The following WARS2 variants were observed in gnomAD, a reference collection of about 807,000 sequenced individuals.
The protein encoded by WARS2 is tryptophanyl tRNA synthetase 2, mitochondrial, also known as tryptophan--tRNA ligase, mitochondrial.
WARS2 carries 28 observed loss-of-function variants against 36.5 expected under a neutral mutation model. The observed-to-expected ratio is 0.77, with a 90% CI of 0.57 to 1.05. WARS2 has a LOEUF of 1.05. Among genes scored for constraint, WARS2 ranks in the 50% least tolerant of loss-of-function variants. The pLI, the probability that WARS2 is intolerant of heterozygous loss-of-function variation, is 0.00. For missense variants in WARS2, 435 were observed against 456.8 expected (o/e 0.95, Z 0.44); for synonymous variants, 174 against 178.4 (o/e 0.98, Z 0.20).
At chr1:119,134,962 T>C (rs1012151476) in intron 1 of WARS2, among the ~76,000 whole-genome samples, 3 of 152,210 alleles carry the variant, frequency 2.0e-5, no homozygotes, top group African/African-American at 7.2e-5. Flanking sequence ...CAAAGCATTA[T>C]CTTTGGGCAC....
At chr1:119,139,078 T>A (rs1261041493) in intron 1 of WARS2, among the ~76,000 whole-genome samples, 5 of 152,214 alleles carry the variant, frequency 3.3e-5, no homozygotes, top group Non-Finnish European at 5.9e-5. Context: ...GGTCTACGGC[T>A]TAGCTACTTT....
chr1:119,125,824 G>A (rs587695072), intron 1 of WARS2, among the ~76,000 whole-genome samples: 19 of 152,236 alleles, frequency 1.2e-4, no homozygotes, highest in South Asian at 1.2e-3. Flanking sequence ...TCAATTATCA[G>A]GTAGACTACC....
intron 2 of WARS2, among the ~76,000 whole-genome samples, chr1:119,074,080 C>A (rs1196997399): frequency 1.3e-5 from 2 of 152,146 alleles, no homozygotes; most frequent in Non-Finnish European, 2.9e-5. Context: ...GATCAAAAGC[C>A]AGCTTGTATT....
intron 2 of WARS2, among the ~76,000 whole-genome samples, chr1:119,069,916 C>A (rs555720663): frequency 6.6e-6 from 1 of 152,220 alleles, no homozygotes; most frequent in Non-Finnish European, 1.5e-5. Flanking sequence ...GAAGCAGAGA[C>A]GTGAGGGCTG....
chr1:119,047,878 A>G (rs953777876), intron 2 of WARS2, among the ~76,000 whole-genome samples: 1 of 152,270 alleles, frequency 6.6e-6, no homozygotes, highest in African/African-American at 2.4e-5. Context: ...TGATGAGTAG[A>G]AAGAAAGAAC....
At position 119,109,432 on chromosome 1, in the gene WARS2, A is replaced by G. The variant is rs77340464; in HGVS notation, c.90+31123T>C. ...TTTTTAGAGAATTGACCTCTTTATCATTAAGTAATGTTTCTCTTTATCCTT... is the reference window on the plus strand; with the variant it reads ...TTTTTAGAGAATTGACCTCTTTATCGTTAAGTAATGTTTCTCTTTATCCTT... On this transcript the variant is annotated intron_variant, in intron 1 of 5. Coordinates refer to ENST00000235521, the MANE Select transcript of WARS2 (RefSeq NM_015836.4). Among the ~76,000 whole-genome samples the G allele has an allele frequency of 8.5e-3, 1,291 of 152,082 alleles. 16 individuals are homozygous for G. The highest frequency in any genetic ancestry group is 0.03 in the African/African-American group (1,230 of 41,558).
rs73013192 is a variant in WARS2, at chr1:119,072,642, T to C, written c.348+3708A>G. Among the ~76,000 whole-genome samples the C allele has an allele frequency of 7.8e-3, 1,194 of 152,206 alleles. 22 individuals carry two copies. The highest frequency in any genetic ancestry group is 0.027 in the African/African-American group (1,119 of 41,514). ...CATAATCAAATGTAATATGTGAACC[T>C]TGGTAGATCTTCACTCAAACAAGCC... On this transcript the variant is annotated intron_variant, in intron 2 of 5. Coordinates refer to ENST00000235521, the MANE Select transcript of WARS2 (RefSeq NM_015836.4).
chr1:119,119,170 T>C (rs1032765486), intron 1 of WARS2, among the ~76,000 whole-genome samples: 1 of 152,074 alleles, frequency 6.6e-6, no homozygotes. Flanking sequence ...GTATCTAGTG[T>C]CTTCAAGAGA....
intron 1 of WARS2, among the ~76,000 whole-genome samples, chr1:119,092,142 C>T (rs1355895297): frequency 1.3e-5 from 2 of 152,054 alleles, no homozygotes; most frequent in African/African-American, 2.4e-5. Context: ...CACTAATGAC[C>T]GGCTGGGTAC....
At chr1:119,109,832 T>C (rs587665161) in intron 1 of WARS2, among the ~76,000 whole-genome samples, 3 of 152,058 alleles carry the variant, frequency 2.0e-5, no homozygotes, top group Non-Finnish European at 1.5e-5. Flanking sequence ...TCCATACTTT[T>C]CTGTAGTTTT....
chr1:119,122,042 G>T (rs1655358677), intron 1 of WARS2, among the ~76,000 whole-genome samples: 1 of 151,988 alleles, frequency 6.6e-6, no homozygotes, highest in African/African-American at 2.4e-5. Context: ...ACAAATAGAT[G>T]GGACTTAATT....
chr1:119,135,691 A>G (rs1656433012), intron 1 of WARS2, among the ~76,000 whole-genome samples: 1 of 152,018 alleles, frequency 6.6e-6, no homozygotes, highest in Admixed American at 6.6e-5. Context: ...GACATGGAAT[A>G]TAGAGATAGA....
At chr1:119,055,554 T>A (rs1401028365) in intron 2 of WARS2, among the ~76,000 whole-genome samples, 1 of 151,970 alleles carries the variant, frequency 6.6e-6, no homozygotes, top group Non-Finnish European at 1.5e-5. Context: ...AGGCACAAGA[T>A]TCACTTGAAC....
intron 1 of WARS2, among the ~76,000 whole-genome samples, chr1:119,112,630 T>C (rs1313196034): frequency 6.6e-6 from 1 of 152,174 alleles, no homozygotes; most frequent in African/African-American, 2.4e-5. Flanking sequence ...TCTCATTCTA[T>C]TTTCTTAATG....
intron 2 of WARS2, among the ~76,000 whole-genome samples, chr1:119,059,461 C>T (rs1294044451): frequency 6.9e-6 from 1 of 143,900 alleles, no homozygotes; most frequent in African/African-American, 2.6e-5. Context: ...AGTCTTTAAT[C>T]CATCTTGAAT....
chr1:119,058,900 G>T (rs1383961557), intron 2 of WARS2, among the ~76,000 whole-genome samples: 1 of 150,428 alleles, frequency 6.6e-6, no homozygotes, highest in Non-Finnish European at 1.5e-5. Context: ...TTCCACAATG[G>T]TTGAACTAGT....
chr1:119,032,740 A>G lies in WARS2; in HGVS notation c.*171T>C, dbSNP rs1372449237. On this transcript the variant is annotated 3_prime_UTR_variant, in exon 6 of 6. Coordinates refer to ENST00000235521, the MANE Select transcript of WARS2 (RefSeq NM_015836.4). Reference sequence around the variant, plus strand: ...CAGCATTTTGTTGATGGGATTTGGAACACTGTCGTATTTCAAAGCTACAAA... The same window carrying G: ...CAGCATTTTGTTGATGGGATTTGGAGCACTGTCGTATTTCAAAGCTACAAA... 1 of 655,790 alleles carries G rather than the reference A, an allele frequency of 1.5e-6. No homozygotes were observed. The allele number at this position is 655,790 out of a possible 1,614,324, so 40.6% of individuals were successfully genotyped here. A position where few individuals can be genotyped will look rare whatever the true frequency, so the allele number is the denominator to read the frequency against.
intron 1 of WARS2, among the ~76,000 whole-genome samples, chr1:119,107,746 T>C (rs1654346312): frequency 6.6e-6 from 1 of 152,026 alleles, no homozygotes; most frequent in African/African-American, 2.4e-5. Flanking sequence ...GTGACATCCT[T>C]GTCTTGTTTC....
chr1:119,067,309 A>C (rs1391189264), intron 2 of WARS2, among the ~76,000 whole-genome samples: 3 of 152,224 alleles, frequency 2.0e-5, no homozygotes, highest in African/African-American at 7.2e-5. Context: ...GGCACAGAGG[A>C]AAATGGCGTT....
Sources: allele counts gnomAD v4.1 joint callset (sites outside exome capture counted in the v4.1 genomes callset), GRCh38; gene constraint gnomAD v4.1.1; transcripts MANE v1.5; gene names NCBI Gene and HGNC (gene_info 2026-07-23, HGNC 2026-07-21).